Variants in MYT1L observed in about 807,000 individuals in gnomAD.
The protein encoded by MYT1L is myelin transcription factor 1 like, also known as myelin transcription factor 1-like protein.
MYT1L carries 12 observed loss-of-function variants against 126.7 expected under a neutral mutation model. The ratio of observed to expected loss-of-function variants is 0.09; its 90% CI spans 0.06 to 0.15. MYT1L has a LOEUF of 0.15. Ranked by LOEUF, MYT1L falls within the 10% of genes least tolerant of loss-of-function variation. MYT1L has a pLI of 1.00. For missense variants in MYT1L, 979 were observed against 1,585.2 expected, an observed-to-expected ratio of 0.62 and a Z score of 6.49; for synonymous variants, 541 against 604.2, an observed-to-expected ratio of 0.90 and a Z score of 1.53.
chr2:2,229,512 G>A (rs908042176), intron 2 of MYT1L, among the ~76,000 whole-genome samples: 5 of 151,966 alleles, frequency 3.3e-5, no homozygotes, highest in Non-Finnish European at 5.9e-5. Context: ...TGTGATCATG[G>A]CTCACTGAAG....
intron 18 of MYT1L, among the ~76,000 whole-genome samples, chr2:1,883,159 G>A (rs990356192): frequency 2.6e-5 from 4 of 152,288 alleles, no homozygotes; most frequent in East Asian, 1.9e-4. Context: ...GTCGGGACTC[G>A]TGGTATTATA....
chr2:1,939,024 CA>C (rs2056323358), intron 9 of MYT1L, among the ~76,000 whole-genome samples: 1 of 152,188 alleles, frequency 6.6e-6, no homozygotes, highest in Non-Finnish European at 1.5e-5. Flanking sequence ...ACTGGATGAA[CA>C]AATAATGGCA....
In MYT1L at chr2:1,907,690, G is replaced by A. The variant is rs140539816; in HGVS notation, c.1817+2550C>T. ...AGTCTCAGGCTCTTGTTCATTGAAC[G>A]ATTTATTTAAAGACTTTTTGAATCG... On this transcript the variant is annotated intron_variant, in intron 13 of 24. Transcript: ENST00000647738. Among the ~76,000 whole-genome samples, 911 of 152,364 alleles carry A rather than the reference G, an allele frequency of 6.0e-3. 6 individuals carry two copies. The highest frequency in any genetic ancestry group is 9.4e-3 in the Non-Finnish European group (637 of 68,024).
intron 3 of MYT1L, among the ~76,000 whole-genome samples, chr2:2,118,901 A>C (rs934901319): frequency 6.6e-6 from 1 of 152,282 alleles, no homozygotes; most frequent in Non-Finnish European, 1.5e-5. Flanking sequence ...AAATAGAATA[A>C]GGCGCCATCT....
At chr2:2,300,921 C>T (rs1168496749) in intron 1 of MYT1L, among the ~76,000 whole-genome samples, 2 of 152,284 alleles carry the variant, frequency 1.3e-5, no homozygotes, top group East Asian at 3.9e-4. Context: ...CCATAAAACG[C>T]CCACTCTCCT....
chr2:1,891,764 TGGATCCTGGAGAGAA>T (rs2048911133), intron 15 of MYT1L, among the ~76,000 whole-genome samples: 1 of 152,214 alleles, frequency 6.6e-6, no homozygotes, highest in Non-Finnish European at 1.5e-5. Flanking sequence ...GAAATGCTTC[TGGATCCTGGAGAGAA>T]GGATCCATTC....
rs115355802 is a variant in MYT1L at position 2,322,322 on chromosome 2, T to C, written c.-521+8645A>G. On this transcript the variant is annotated intron_variant, in intron 1 of 24. Coordinates refer to ENST00000647738, the MANE Select transcript of MYT1L (RefSeq NM_001303052.2). ...AAAGAGCACTTCATCTTTGGACTAA[T>C]ATCTTGGAATCACAACAATTGATTA... Among the ~76,000 whole-genome samples, 1,298 of 152,170 alleles carry C rather than the reference T, an allele frequency of 8.5e-3. 9 individuals carry two copies. The highest frequency in any genetic ancestry group is 0.011 in the Non-Finnish European group (759 of 67,986).
intron 18 of MYT1L, among the ~76,000 whole-genome samples, chr2:1,858,962 G>C (rs960660333): frequency 1.3e-5 from 2 of 152,166 alleles, no homozygotes; most frequent in Non-Finnish European, 2.9e-5. Flanking sequence ...ATTAGGAAAG[G>C]GTGCGGCGGC....
intron 21 of MYT1L, among the ~76,000 whole-genome samples, chr2:1,822,416 C>T (rs2038671824): frequency 6.6e-6 from 1 of 152,236 alleles, no homozygotes; most frequent in Admixed American, 6.5e-5. Flanking sequence ...TGCAAGGTGT[C>T]TGCCATCTTT....
At chr2:1,931,959 C>T (rs1346145757) in intron 9 of MYT1L, among the ~76,000 whole-genome samples, 2 of 152,174 alleles carry the variant, frequency 1.3e-5, no homozygotes, top group Non-Finnish European at 2.9e-5. Flanking sequence ...TTCACACATA[C>T]GTGAGGATGC....
In MYT1L at chr2:2,068,776, T is replaced by G. The variant is rs1377660105; in HGVS notation, c.-303-14653A>C. On this transcript the variant is annotated intron_variant, in intron 3 of 24. Coordinates refer to ENST00000647738, the MANE Select transcript of MYT1L (RefSeq NM_001303052.2). ...GACACCTGTGTTCTTCTTGTTTTTT[T>G]TTTTTTTTTTTTTTTTTTTTTTCAT... 1.3e-3 allele frequency among the ~76,000 whole-genome samples: 174 copies of G among 137,404 alleles called. 1 individual carries two copies. Among genetic ancestry groups the G allele is most frequent in the African/African-American group, 3.7e-3 (137 of 37,334 alleles). The allele number at this position is 137,404 out of a possible 152,430, so 90.1% of individuals were successfully genotyped here.
At chr2:1,954,567 T>C (rs1206272202) in intron 8 of MYT1L, among the ~76,000 whole-genome samples, 4 of 151,898 alleles carry the variant, frequency 2.6e-5, no homozygotes, top group Non-Finnish European at 5.9e-5. Context: ...CTCTGCTTGG[T>C]GTGCTGTGTT....
intron 3 of MYT1L, among the ~76,000 whole-genome samples, chr2:2,124,888 G>C (rs1023048491): frequency 6.6e-6 from 1 of 152,136 alleles, no homozygotes; most frequent in Non-Finnish European, 1.5e-5. Context: ...GTCGGTGCTG[G>C]CCTCTCCCAG....
intron 2 of MYT1L, among the ~76,000 whole-genome samples, chr2:2,221,498 A>T (rs553233667): frequency 6.6e-6 from 1 of 152,288 alleles, no homozygotes; most frequent in East Asian, 1.9e-4. Flanking sequence ...TGTAGTCTGA[A>T]TTTAAGAGAA....
chr2:1,942,960 T>G, intron 9 of MYT1L, 22 bp downstream of exon 9: 1 of 1,506,888 alleles, frequency 6.6e-7, no homozygotes, highest in Non-Finnish European at 8.9e-7. Flanking sequence ...ACTTGTTACT[T>G]TGCTAATATT....
rs1036788324 is a variant in MYT1L at position 2,110,584 on chromosome 2, C to T, written c.-303-56461G>A. Among the ~76,000 whole-genome samples, 6 of 135,868 alleles carry T rather than the reference C, an allele frequency of 4.4e-5. No individual in the cohort carries two copies. In the Admixed American group the frequency reaches 4.6e-4, roughly 10 times the overall value. 89.1% of individuals were successfully genotyped at this position (135,868 alleles called of 152,430 possible). ...CCTCCCTCCCTCCCTCTCTCCTTCTCTTCCTCCCTCCCTCTATTTCCTCCT... is the reference window on the plus strand; with the variant it reads ...CCTCCCTCCCTCCCTCTCTCCTTCTTTTCCTCCCTCCCTCTATTTCCTCCT... On this transcript the variant is annotated intron_variant, in intron 3 of 24. Coordinates refer to ENST00000647738, the MANE Select transcript of MYT1L (RefSeq NM_001303052.2).
At chr2:2,068,769 G>GTTTTTTTTTTTTTTTTTTTT (rs55838351) in intron 3 of MYT1L, among the ~76,000 whole-genome samples, 1 of 26,192 alleles carries the variant, frequency 3.8e-5, no homozygotes, top group Non-Finnish European at 7.4e-5. Context: ...TGTTCTTCTT[G>GTTTTTTTTTTTTTTTTTTTT]TTTTTTTTTT....
intron 3 of MYT1L, among the ~76,000 whole-genome samples, chr2:2,089,746 G>C (rs116276817): frequency 0.025 from 3,800 of 152,040 alleles, 77 homozygotes; most frequent in South Asian, 0.046. Context: ...TGTCTCTGTC[G>C]CTGTCTCTGA....
At chr2:2,115,621 G>A (rs1575268992) in intron 3 of MYT1L, among the ~76,000 whole-genome samples, 3 of 152,256 alleles carry the variant, frequency 2.0e-5, no homozygotes, top group African/African-American at 4.8e-5. Context: ...TGTCTAGCAC[G>A]TGCCAGGGCC....
Sources: gnomAD v4.1 joint callset for allele counts (sites outside exome capture counted in the v4.1 genomes callset) on GRCh38, gnomAD v4.1.1 for gene constraint, MANE v1.5 for transcripts, NCBI Gene and HGNC (gene_info 2026-07-23, HGNC 2026-07-21) for gene names.